Variants in STAG1 observed in about 807,000 individuals in gnomAD.
The protein encoded by STAG1 is STAG1 cohesin complex component.
In STAG1, 26 loss-of-function variants were observed where a neutral mutation model predicts 170.9. The observed-to-expected ratio is 0.15, with a 90% CI of 0.11 to 0.21. STAG1 has a LOEUF of 0.21. Among genes scored for constraint, STAG1 ranks in the 10% least tolerant of loss-of-function variants. The pLI, the probability that STAG1 is intolerant of heterozygous loss-of-function variation, is 1.00. For synonymous variants in STAG1, 514 were observed against 497.7 expected, an observed-to-expected ratio of 1.03 and a Z score of -0.44; for missense variants, 964 against 1,509.5, an observed-to-expected ratio of 0.64 and a Z score of 5.99.
At chr3:136,624,766 C>T (rs1474022483) in intron 2 of STAG1, among the ~76,000 whole-genome samples, 3 of 152,132 alleles carry the variant, frequency 2.0e-5, no homozygotes, top group African/African-American at 7.2e-5. Flanking sequence ...TGTACATATT[C>T]CTACCATAGC....
At chr3:136,733,802 T>C (rs1470647049) in intron 1 of STAG1, among the ~76,000 whole-genome samples, 3 of 152,154 alleles carry the variant, frequency 2.0e-5, no homozygotes. Context: ...ACCTTGGCAC[T>C]ATAAGAATTT....
Position 136,562,657 on chromosome 3 carries a change from G to A in STAG1, c.394+6108C>T, listed in dbSNP as rs536385194. ...GGCAGGAGTGCAATGGTGTGATCTT[G>A]GCTCATTGCAACCTCTGTCTCCTGG... On this transcript the variant is annotated intron_variant, in intron 5 of 33. Coordinates refer to ENST00000383202, the MANE Select transcript of STAG1 (RefSeq NM_005862.3). Among the ~76,000 whole-genome samples the A allele has an allele frequency of 2.7e-5, 4 of 150,790 alleles. No individual in the cohort carries two copies. In the South Asian group the frequency reaches 8.4e-4, roughly 32 times the overall value.
chr3:136,478,754 C>T (rs1251033695), intron 9 of STAG1, among the ~76,000 whole-genome samples: 1 of 152,094 alleles, frequency 6.6e-6, no homozygotes, highest in Admixed American at 6.5e-5. Context: ...CCAATTACAA[C>T]CTTTAGTTTT....
chr3:136,418,587 C>G (rs1436192510), intron 20 of STAG1, among the ~76,000 whole-genome samples: 1 of 151,308 alleles, frequency 6.6e-6, no homozygotes, highest in Non-Finnish European at 1.5e-5. Flanking sequence ...CATGGTCAAG[C>G]TAAGCTTATA....
chr3:136,385,357 T>C (rs2086843873), intron 22 of STAG1, among the ~76,000 whole-genome samples: 1 of 152,140 alleles, frequency 6.6e-6, no homozygotes, highest in Non-Finnish European at 1.5e-5. Flanking sequence ...GGAGGATCTC[T>C]TGAGCCTGGG....
At chr3:136,363,587 AAAAG>A in intron 25 of STAG1, 120 bp from the exon 26 acceptor site, 2 of 467,612 alleles carry the variant, frequency 4.3e-6, no homozygotes, top group Admixed American at 4.1e-5. Context: ...GTTGGTTGGT[AAAAG>A]AAAGGAAAGG....
At chr3:136,402,233 G>T (rs781136674) in intron 21 of STAG1, among the ~76,000 whole-genome samples, 1 of 150,918 alleles carries the variant, frequency 6.6e-6, no homozygotes, top group African/African-American at 2.4e-5. Context: ...AATTTTTTTG[G>T]GGGGGACAGA....
At chr3:136,457,383 C>CAGA (rs1035320677) in intron 13 of STAG1, among the ~76,000 whole-genome samples, 1 of 152,154 alleles carries the variant, frequency 6.6e-6, no homozygotes, top group Non-Finnish European at 1.5e-5. Context: ...TAAACTGTCA[C>CAGA]AGATAACGCT....
intron 1 of STAG1, among the ~76,000 whole-genome samples, chr3:136,642,175 T>C (rs1940827356): frequency 6.6e-6 from 1 of 151,636 alleles, no homozygotes. Flanking sequence ...AACTACTCAT[T>C]ACAAATAAAC....
intron 4 of STAG1, among the ~76,000 whole-genome samples, chr3:136,574,285 C>T (rs989094644): frequency 6.6e-6 from 1 of 151,636 alleles, no homozygotes; most frequent in East Asian, 1.9e-4. Flanking sequence ...AAGAGACACA[C>T]TTTTAATATA....
At chr3:136,657,189 C>CTTTTTTTTTT (rs67826395) in intron 1 of STAG1, among the ~76,000 whole-genome samples, 16 of 92,294 alleles carry the variant, frequency 1.7e-4, no homozygotes, top group East Asian at 3.8e-4. Context: ...TTCTTTCTTT[C>CTTTTTTTTTT]TTTTTTTTTT....
At chr3:136,651,918 A>C (rs765966250) in intron 1 of STAG1, among the ~76,000 whole-genome samples, 1 of 152,192 alleles carries the variant, frequency 6.6e-6, no homozygotes, top group Non-Finnish European at 1.5e-5. Context: ...CAATTTTAGC[A>C]TGTCAGGGGA....
rs796201068 is a variant in STAG1 at position 136,743,368 on chromosome 3, C to CAA, written c.-84+8825_-84+8826dup. Among the ~76,000 whole-genome samples the CAA allele has an allele frequency of 4.6e-3, 570 of 124,832 alleles. 2 individuals are homozygous for CAA. The highest frequency in any genetic ancestry group is 7.3e-3 in the Non-Finnish European group (430 of 59,094). The allele number at this position is 124,832 out of a possible 152,430, so 81.9% of individuals were successfully genotyped here. ...GGGCAACAAGAATGAAACTCCTTCT[C>CAA]AAAAAAAAAAAATAATAATAACAAT... On this transcript the variant is annotated intron_variant, in intron 1 of 33. Transcript: ENST00000383202.
At chr3:136,693,646 T>C (rs1314489592) in intron 1 of STAG1, among the ~76,000 whole-genome samples, 1 of 152,172 alleles carries the variant, frequency 6.6e-6, no homozygotes, top group Non-Finnish European at 1.5e-5. Context: ...CACCACTCAC[T>C]GAAGCCTTGA....
chr3:136,604,870 G>A (rs1427034344), intron 3 of STAG1, among the ~76,000 whole-genome samples: 2 of 152,004 alleles, frequency 1.3e-5, no homozygotes, highest in African/African-American at 2.4e-5. Flanking sequence ...GGCTGGTCTC[G>A]TACTCCTGAC....
chr3:136,590,527 A>G (rs373303920), intron 4 of STAG1, among the ~76,000 whole-genome samples: 2 of 151,998 alleles, frequency 1.3e-5, no homozygotes, highest in Non-Finnish European at 2.9e-5. Flanking sequence ...AAACAAAAAA[A>G]CTAAAAGACT....
chr3:136,681,398 T>G (rs1310679063), intron 1 of STAG1, among the ~76,000 whole-genome samples: 13 of 152,290 alleles, frequency 8.5e-5, no homozygotes, highest in Middle Eastern at 3.4e-3. Flanking sequence ...AGCTTTGATA[T>G]GTGAAATTAA....
rs898786959 is a variant in STAG1 at position 136,417,365 on chromosome 3, T to C, written c.2196+520A>G. Among the ~76,000 whole-genome samples, 44 of 152,296 alleles carry C rather than the reference T, an allele frequency of 2.9e-4. 1 individual carries two copies. Among genetic ancestry groups the C allele is most frequent in the African/African-American group, 1.0e-3 (43 of 41,564 alleles). On this transcript the variant is annotated intron_variant, in intron 21 of 33. Coordinates refer to ENST00000383202, the MANE Select transcript of STAG1 (RefSeq NM_005862.3). ...CCTTCCTTTCTCATACTGAATCAAG[T>C]AGAGTAATTATTCTACTGAAGTCTC...
At chr3:136,748,832 T>C (rs1186124659) in intron 1 of STAG1, among the ~76,000 whole-genome samples, 1 of 152,246 alleles carries the variant, frequency 6.6e-6, no homozygotes, top group Non-Finnish European at 1.5e-5. Flanking sequence ...TCGTTTTTAT[T>C]TTTAATTTCC....
Sources: gnomAD v4.1 joint callset for allele counts (sites outside exome capture counted in the v4.1 genomes callset) on GRCh38, gnomAD v4.1.1 for gene constraint, MANE v1.5 for transcripts, NCBI Gene and HGNC (gene_info 2026-07-23, HGNC 2026-07-21) for gene names.